SKAP1: variants seen among roughly 807,000 people sequenced by gnomAD.
The protein encoded by SKAP1 is src kinase associated phosphoprotein 1.
SKAP1 carries 44 observed loss-of-function variants against 58.5 expected under a neutral mutation model. The observed-to-expected ratio is 0.75, with a 90% CI of 0.59 to 0.97. SKAP1 has a LOEUF of 0.97. Ranked by LOEUF, SKAP1 falls within the 50% of genes least tolerant of loss-of-function variation. SKAP1 has a pLI of 0.00. For synonymous variants in SKAP1, 127 were observed against 149.7 expected (o/e 0.85, Z 1.11); for missense variants, 390 against 435.2 (o/e 0.90, Z 0.92).
At chr17:48,354,327 T>C (rs2144360478) in intron 3 of SKAP1, among the ~76,000 whole-genome samples, 1 of 152,302 alleles carries the variant, frequency 6.6e-6, no homozygotes, top group Non-Finnish European at 1.5e-5. Context: ...GTTCAATATT[T>C]GGTTCCTTGG....
chr17:48,398,547 T>A (rs2067451587), intron 1 of SKAP1, among the ~76,000 whole-genome samples: 1 of 152,158 alleles, frequency 6.6e-6, no homozygotes, highest in South Asian at 2.1e-4. Context: ...CCCCGGTCCA[T>A]GGAAAAATTG....
At chr17:48,155,677 C>CA (rs2063966690) in intron 11 of SKAP1, among the ~76,000 whole-genome samples, 2 of 152,082 alleles carry the variant, frequency 1.3e-5, no homozygotes, top group Admixed American at 1.3e-4. Flanking sequence ...GCCAATATGG[C>CA]AAAATCCCGT....
the SKAP1 span, among the ~76,000 whole-genome samples, chr17:48,435,708 T>G: frequency 6.6e-6 from 1 of 152,218 alleles, no homozygotes. Context: ...TTATCCTTTC[T>G]TCTTCCTCAC....
At position 48,396,662 on chromosome 17, in the gene SKAP1, G is replaced by A. The variant is rs1418029558; in HGVS notation, c.152+18C>T. The A allele has an allele frequency of 2.0e-6, 3 of 1,492,828 alleles. No homozygotes were observed. The highest frequency in any genetic ancestry group is 1.4e-5 in the African/African-American group (1 of 72,152). 92.5% of individuals were successfully genotyped at this position (1,492,828 alleles called of 1,614,324 possible). ...TTAAAGCTTATGAAGAAGATTAATG[G>A]AACCAGTTTATACAAACCTGGCTTT... On this transcript the variant is annotated intron_variant, in intron 2 of 12. Transcript: ENST00000336915.
chr17:48,346,652 A>G (rs1178984398), intron 3 of SKAP1, among the ~76,000 whole-genome samples: 1 of 152,088 alleles, frequency 6.6e-6, no homozygotes, highest in East Asian at 1.9e-4. Flanking sequence ...ATTTATATTC[A>G]TATATACTAT....
intron 2 of SKAP1, among the ~76,000 whole-genome samples, chr17:48,370,357 G>C (rs2067067823): frequency 2.0e-5 from 3 of 152,240 alleles, no homozygotes; most frequent in Admixed American, 1.3e-4. Context: ...CTATGCTGGA[G>C]TGCTGTGGCG....
At chr17:48,153,106 A>G (rs2063923673) in intron 11 of SKAP1, among the ~76,000 whole-genome samples, 1 of 152,192 alleles carries the variant, frequency 6.6e-6, no homozygotes, top group Non-Finnish European at 1.5e-5. Context: ...CTGTTTAGGA[A>G]TAAATAGATT....
intron 4 of SKAP1, among the ~76,000 whole-genome samples, chr17:48,296,256 G>T (rs1291492394): frequency 6.6e-6 from 1 of 152,112 alleles, no homozygotes; most frequent in Non-Finnish European, 1.5e-5. Context: ...AGCATGCAAT[G>T]CATACTTTAC....
chr17:48,395,899 C>G (rs975924990), intron 2 of SKAP1, among the ~76,000 whole-genome samples: 5 of 152,214 alleles, frequency 3.3e-5, no homozygotes, highest in African/African-American at 1.2e-4. Flanking sequence ...ATACTAAGAA[C>G]TGTCAGCCAC....
intron 4 of SKAP1, among the ~76,000 whole-genome samples, chr17:48,299,849 T>A (rs1288114425): frequency 6.6e-6 from 1 of 151,560 alleles, no homozygotes; most frequent in Non-Finnish European, 1.5e-5. Context: ...GATGAGTGGG[T>A]GGATGGGAGG....
At chr17:48,283,154 C>T (rs1461974858) in intron 4 of SKAP1, among the ~76,000 whole-genome samples, 1 of 152,140 alleles carries the variant, frequency 6.6e-6, no homozygotes, top group Non-Finnish European at 1.5e-5. Context: ...CAAGAGACTC[C>T]TGCTGTGAGT....
chr17:48,430,313 G>A (rs1183947024), upstream of SKAP1: 2 of 293,626 alleles, frequency 6.8e-6, no homozygotes, highest in Admixed American at 5.3e-5. Context: ...GCGGGGACCG[G>A]AACGGGGCGC....
intron 4 of SKAP1, among the ~76,000 whole-genome samples, chr17:48,228,133 CATAATT>C (rs1397332177): frequency 3.3e-5 from 5 of 151,292 alleles, no homozygotes; most frequent in African/African-American, 1.2e-4. Flanking sequence ...TTGCAGGAAA[CATAATT>C]ATATAAGATG....
intron 4 of SKAP1, among the ~76,000 whole-genome samples, chr17:48,199,413 A>C (rs1461558362): frequency 1.3e-5 from 2 of 152,216 alleles, no homozygotes; most frequent in Non-Finnish European, 2.9e-5. Context: ...CATGCCATGC[A>C]CTTTACACTG....
chr17:48,240,890 A>G (rs2065238006), intron 4 of SKAP1, among the ~76,000 whole-genome samples: 1 of 152,208 alleles, frequency 6.6e-6, no homozygotes, highest in African/African-American at 2.4e-5. Flanking sequence ...TGGGTCAGGT[A>G]AAGCTCAAAG....
intron 4 of SKAP1, among the ~76,000 whole-genome samples, chr17:48,330,422 G>A (rs1275977646): frequency 6.6e-6 from 1 of 152,134 alleles, no homozygotes; most frequent in African/African-American, 2.4e-5. Flanking sequence ...ACCAACAAAG[G>A]TTGCAGCTTA....
intron 11 of SKAP1, among the ~76,000 whole-genome samples, chr17:48,153,263 G>GCA (rs988246397): frequency 6.6e-6 from 1 of 152,134 alleles, no homozygotes; most frequent in African/African-American, 2.4e-5. Context: ...GCATGCATAT[G>GCA]CACACACACA....
rs182860197 is a variant in SKAP1 at position 48,384,234 on chromosome 17, T to A, written c.152+12446A>T. On this transcript the variant is annotated intron_variant, in intron 2 of 12. Coordinates refer to ENST00000336915, the MANE Select transcript of SKAP1 (RefSeq NM_003726.4). ...ACGAAGAATCAACAGGCCTTGTTGATGGTTTGGGGAGTGAAGGGGGAGCAA... is the reference window on the plus strand; with the variant it reads ...ACGAAGAATCAACAGGCCTTGTTGAAGGTTTGGGGAGTGAAGGGGGAGCAA... Among the ~76,000 whole-genome samples the A allele has an allele frequency of 2.6e-5, 4 of 152,134 alleles. No individual in the cohort carries two copies. In the East Asian group the frequency reaches 7.7e-4, roughly 29 times the overall value.
chr17:48,201,323 TCTCTC>T (rs1156973441), intron 4 of SKAP1, among the ~76,000 whole-genome samples: 1 of 150,904 alleles, frequency 6.6e-6, no homozygotes, highest in African/African-American at 2.4e-5. Flanking sequence ...CTTCCTTCCT[TCTCTC>T]CTCCCTCTCT....
Sources: allele counts gnomAD v4.1 joint callset (sites outside exome capture counted in the v4.1 genomes callset), GRCh38; gene constraint gnomAD v4.1.1; transcripts MANE v1.5; gene names NCBI Gene and HGNC (gene_info 2026-07-23, HGNC 2026-07-21).